The following CLNK variants were observed in gnomAD, a reference collection of about 807,000 sequenced individuals.
CLNK encodes the protein cytokine dependent hematopoietic cell linker.
In CLNK, 74 loss-of-function variants were observed where a neutral mutation model predicts 68.6. The ratio of observed to expected loss-of-function variants is 1.08; its 90% confidence interval spans 0.89 to 1.31. The LOEUF (loss-of-function observed/expected upper bound fraction) is 1.31, where lower values mean the gene tolerates loss of function less well. Ranked by LOEUF, CLNK falls within the 50% of genes most tolerant of loss-of-function variation. The pLI, the probability that CLNK is intolerant of heterozygous loss-of-function variation, is 0.00. For missense variants in CLNK, 553 were observed against 515.3 expected (o/e 1.07, Z -0.71); for synonymous variants, 198 against 172.2 (o/e 1.15, Z -1.17).
rs80080661 is a variant in CLNK at position 10,643,631 on chromosome 4, G to A, written c.11+24228C>T. On this transcript the variant is annotated intron_variant, in intron 2 of 18. Transcript: ENST00000226951. The stretch of plus-strand genomic sequence containing the variant: ...ACAGGGTGGATGAGGGAGGGGCTAC[G>A]CCAGTATCCCCACTCTCACACATGA... 6.4e-3 allele frequency among the ~76,000 whole-genome samples: 977 copies of A among 152,306 alleles called. 13 individuals carry two copies. The highest frequency in any genetic ancestry group is 0.022 in the African/African-American group (934 of 41,562).
intron 2 of CLNK, among the ~76,000 whole-genome samples, chr4:10,656,319 C>A (rs1453415567): frequency 5.0e-5 from 4 of 80,220 alleles, no homozygotes; most frequent in Admixed American, 1.6e-4. Flanking sequence ...ATGAAAACGA[C>A]AAATGCCTGA....
At position 10,598,040 on chromosome 4, in the gene CLNK, T is replaced by C; in HGVS notation, c.21A>G (p.Arg7=). MNRQGN[R]KTTKEGSNDL... Reference sequence around the variant, plus strand: ...CGTTGGATCCTTCTTTAGTTGTCTTTCTATTGCCCCTGGGATGAAAGAAAA... The same window carrying C: ...CGTTGGATCCTTCTTTAGTTGTCTTCCTATTGCCCCTGGGATGAAAGAAAA... Residue 7 remains arginine (R), a synonymous_variant, in exon 3 of 19, where the codon AGA becomes AGG. Coordinates refer to ENST00000226951, the MANE Select transcript of CLNK (RefSeq NM_052964.4). 1.3e-6 allele frequency: 2 copies of C among 1,584,210 alleles called. No individual in the cohort carries two copies. Among genetic ancestry groups the C allele is most frequent in the Non-Finnish European group, 1.7e-6 (2 of 1,162,760 alleles).
intron 3 of CLNK, among the ~76,000 whole-genome samples, chr4:10,587,710 T>C (rs1487792971): frequency 1.3e-5 from 2 of 152,172 alleles, no homozygotes; most frequent in Non-Finnish European, 2.9e-5. Flanking sequence ...GCCTCAACTT[T>C]ACAGAATAGG....
chr4:10,670,742 G>C (rs778970929), intron 1 of CLNK, among the ~76,000 whole-genome samples: 2 of 152,102 alleles, frequency 1.3e-5, no homozygotes, highest in African/African-American at 2.4e-5. Context: ...AATATTTGGT[G>C]ACAAAAATGG....
chr4:10,546,497 A>G (rs1719236280), intron 8 of CLNK, among the ~76,000 whole-genome samples: 1 of 152,220 alleles, frequency 6.6e-6, no homozygotes. Context: ...CTCAAACCTC[A>G]TCAGAATGGC....
In CLNK at chr4:10,591,032, C is replaced by G. The variant is rs981726560; in HGVS notation, c.84-6077G>C. Among the ~76,000 whole-genome samples, 5 of 152,292 alleles carry G rather than the reference C, an allele frequency of 3.3e-5. No individual in the cohort carries two copies. In the South Asian group the frequency reaches 1.0e-3, roughly 32 times the overall value. ...TGTCTGATGACACATCTCTCCACCA[C>G]TCAAAGGTGGAGCGTTTGCACCATG... On this transcript the variant is annotated intron_variant, in intron 3 of 18. Transcript: ENST00000226951.
intron 3 of CLNK, among the ~76,000 whole-genome samples, chr4:10,586,951 C>G (rs1003146393): frequency 7.1e-6 from 1 of 141,688 alleles, no homozygotes; most frequent in Admixed American, 7.0e-5. Flanking sequence ...CATGTCTTTG[C>G]CCATTTTTTT....
chr4:10,723,749 G>C, the CLNK span, among the ~76,000 whole-genome samples: 2 of 152,076 alleles, frequency 1.3e-5, no homozygotes, highest in East Asian at 3.9e-4. Context: ...AGATAACACA[G>C]GTTTGTTGAA....
chr4:10,556,506 G>T (rs1032843084), intron 8 of CLNK, among the ~76,000 whole-genome samples: 1 of 152,202 alleles, frequency 6.6e-6, no homozygotes, highest in African/African-American at 2.4e-5. Flanking sequence ...AATGGTCGAA[G>T]AAATTTCTGC....
chr4:10,597,927 AC>A, intron 3 of CLNK, 50 bp downstream of exon 3: 2 of 1,262,276 alleles, frequency 1.6e-6, no homozygotes, highest in Non-Finnish European at 2.2e-6. Flanking sequence ...CTTATTTGCT[AC>A]AGAATTAAAA....
chr4:10,506,956 T>C (rs1356228681), intron 17 of CLNK, among the ~76,000 whole-genome samples: 15 of 142,890 alleles, frequency 1.0e-4, no homozygotes, highest in African/African-American at 3.9e-4. Context: ...CCTGCCACCA[T>C]GCCCGGCCAA....
At chr4:10,729,038 A>G in the CLNK span, among the ~76,000 whole-genome samples, 1 of 152,204 alleles carries the variant, frequency 6.6e-6, no homozygotes, top group Non-Finnish European at 1.5e-5. Flanking sequence ...ACCCAGATGC[A>G]TGTTTTATAT....
chr4:10,637,443 T>G (rs540157096), intron 2 of CLNK, among the ~76,000 whole-genome samples: 6 of 150,902 alleles, frequency 4.0e-5, no homozygotes, highest in Non-Finnish European at 7.4e-5. Context: ...AAAAAGTTTT[T>G]TTTTTTTTTT....
At chr4:10,532,414 T>C in intron 11 of CLNK, 131 bp from the exon 12 acceptor site, 1 of 695,816 alleles carries the variant, frequency 1.4e-6, no homozygotes, top group Non-Finnish European at 2.5e-6. Context: ...CAGTGAGATA[T>C]TTATCACTCT....
the CLNK span, among the ~76,000 whole-genome samples, chr4:10,715,494 A>G: frequency 2.0e-5 from 3 of 152,224 alleles, no homozygotes; most frequent in Non-Finnish European, 4.4e-5. Context: ...CTTATTCAAA[A>G]TAATAGGATC....
chr4:10,503,270 C>T (rs964146333), intron 17 of CLNK, among the ~76,000 whole-genome samples: 3 of 151,746 alleles, frequency 2.0e-5, no homozygotes, highest in South Asian at 2.1e-4. Context: ...AGACTTAGCC[C>T]GGCTGACATG....
intron 14 of CLNK, among the ~76,000 whole-genome samples, chr4:10,521,352 C>T: frequency 6.6e-6 from 1 of 152,168 alleles, no homozygotes; most frequent in East Asian, 1.9e-4. Flanking sequence ...AACAAAATAA[C>T]AATATGCATT....
intron 2 of CLNK, among the ~76,000 whole-genome samples, chr4:10,603,178 A>G (rs989926100): frequency 1.3e-5 from 2 of 152,150 alleles, no homozygotes; most frequent in African/African-American, 2.4e-5. Flanking sequence ...TTCTCATTCT[A>G]TACACTCAGA....
chr4:10,551,657 CATAAGT>C (rs1719463680), intron 8 of CLNK, among the ~76,000 whole-genome samples: 1 of 152,058 alleles, frequency 6.6e-6, no homozygotes. Flanking sequence ...AGAAATAAAA[CATAAGT>C]ATAATGTTCT....
Sources: gnomAD v4.1 joint callset for allele counts (sites outside exome capture counted in the v4.1 genomes callset) on GRCh38, gnomAD v4.1.1 for gene constraint, MANE v1.5 for transcripts, NCBI Gene and HGNC (gene_info 2026-07-23, HGNC 2026-07-21) for gene names.